ZMYM2: variants seen among roughly 807,000 people sequenced by gnomAD.
The protein encoded by ZMYM2 is zinc finger MYM-type containing 2.
Under a neutral mutation model 162.8 loss-of-function variants are expected in ZMYM2, and 56 were observed. That is an observed-to-expected ratio of 0.34 (90% confidence interval 0.28 to 0.43). ZMYM2 has a LOEUF of 0.43. ZMYM2 is among the 20% of genes least tolerant of loss of function. ZMYM2 has a pLI of 1.00. For synonymous variants in ZMYM2, 510 were observed against 541.6 expected (o/e 0.94, Z 0.81); for missense variants, 1,275 against 1,621.8 (o/e 0.79, Z 3.67).
chr13:20,077,279 C>T lies in ZMYM2; in HGVS notation c.3454-4737C>T, dbSNP rs373200140. On this transcript the variant is annotated intron_variant, in intron 21 of 24. Coordinates refer to ENST00000610343, the MANE Select transcript of ZMYM2 (RefSeq NM_197968.4). ...TTACTGCTTTCCACATACTATGCTA[C>T]GTGCTTGATGTGTCATTCAGTCCTC... 6.6e-5 allele frequency among the ~76,000 whole-genome samples: 10 copies of T among 150,430 alleles called. No individual in the cohort carries two copies. In the East Asian group the frequency reaches 1.3e-3, roughly 20 times the overall value.
intron 19 of ZMYM2, among the ~76,000 whole-genome samples, chr13:20,065,270 A>G (rs1956585846): frequency 6.6e-6 from 1 of 152,110 alleles, no homozygotes; most frequent in Admixed American, 6.6e-5. Flanking sequence ...ATGAAGGTGG[A>G]CTTCTGCTTG....
chr13:19,940,809 G>A, the ZMYM2 span, among the ~76,000 whole-genome samples: 9 of 152,052 alleles, frequency 5.9e-5, no homozygotes, highest in Non-Finnish European at 1.3e-4. Context: ...TAGGACAGGA[G>A]GTACATAAGA....
chr13:19,905,378 A>G, the ZMYM2 span, among the ~76,000 whole-genome samples: 2 of 152,150 alleles, frequency 1.3e-5, no homozygotes, highest in Non-Finnish European at 2.9e-5. Context: ...ACAACCATCC[A>G]GGCACAACCA....
the ZMYM2 span, among the ~76,000 whole-genome samples, chr13:19,934,979 C>T: frequency 6.6e-6 from 1 of 152,112 alleles, no homozygotes; most frequent in Non-Finnish European, 1.5e-5. Context: ...GTTGGCCAGG[C>T]TGGTCTCGAA....
chr13:19,875,629 A>C, the ZMYM2 span, among the ~76,000 whole-genome samples: 1 of 47,550 alleles, frequency 2.1e-5, no homozygotes, highest in African/African-American at 4.9e-5. Context: ...TCCATCGCAA[A>C]AAAAAAAAAA....
At chr13:19,892,404 C>G in the ZMYM2 span, among the ~76,000 whole-genome samples, 2 of 150,988 alleles carry the variant, frequency 1.3e-5, no homozygotes, top group Non-Finnish European at 2.9e-5. Flanking sequence ...CCCAAGTAGC[C>G]GGGACTACAG....
the ZMYM2 span, among the ~76,000 whole-genome samples, chr13:19,929,304 T>A: frequency 6.6e-6 from 1 of 152,082 alleles, no homozygotes; most frequent in Admixed American, 6.6e-5. Context: ...AGTGGTGCAA[T>A]CTCGGCTCAC....
At chr13:19,867,331 CAA>C in the ZMYM2 span, among the ~76,000 whole-genome samples, 1 of 136,712 alleles carries the variant, frequency 7.3e-6, no homozygotes, top group Non-Finnish European at 1.5e-5. Context: ...GCCTGGGCGA[CAA>C]GAGCGAAACT....
intron 2 of ZMYM2, among the ~76,000 whole-genome samples, chr13:19,965,771 C>CTTTTTTT (rs35914050): frequency 1.2e-4 from 13 of 104,886 alleles, no homozygotes; most frequent in East Asian, 2.5e-4. Context: ...TATCTGAATT[C>CTTTTTTT]TTTTTTTTTT....
the ZMYM2 span, among the ~76,000 whole-genome samples, chr13:19,910,541 T>C: frequency 6.6e-6 from 1 of 151,436 alleles, no homozygotes; most frequent in Non-Finnish European, 1.5e-5. Flanking sequence ...TCTCTTTTTT[T>C]TTTTTTTGAG....
At chr13:19,986,654 G>T (rs1949168897) in intron 2 of ZMYM2, among the ~76,000 whole-genome samples, 1 of 152,034 alleles carries the variant, frequency 6.6e-6, no homozygotes, top group African/African-American at 2.4e-5. Flanking sequence ...ATTCAAAATT[G>T]TCATAACTAA....
intron 2 of ZMYM2, among the ~76,000 whole-genome samples, chr13:19,963,538 G>T (rs1955469139): frequency 6.6e-6 from 1 of 151,822 alleles, no homozygotes; most frequent in African/African-American, 2.4e-5. Context: ...AGTTGGAGTT[G>T]CACATTTTTA....
intron 2 of ZMYM2, among the ~76,000 whole-genome samples, chr13:19,972,948 T>TG (rs1276491429): frequency 6.6e-6 from 1 of 150,926 alleles, no homozygotes; most frequent in Non-Finnish European, 1.5e-5. Context: ...TTTTTGTTTT[T>TG]TTTTTGAGAT....
chr13:20,070,896 G>A (rs934607887), intron 21 of ZMYM2: 2 of 152,574 alleles, frequency 1.3e-5, no homozygotes, highest in South Asian at 2.1e-4. Flanking sequence ...TACATTAAGA[G>A]TTCTTCAGTG....
chr13:20,054,173 G>C (rs1955601287), intron 14 of ZMYM2, among the ~76,000 whole-genome samples: 1 of 152,186 alleles, frequency 6.6e-6, no homozygotes, highest in African/African-American at 2.4e-5. Context: ...AACTTCAAAG[G>C]ATAGGAGCTT....
Position 20,026,848 on chromosome 13 carries a change from G to C in ZMYM2, c.1735+86G>C, listed in dbSNP as rs181789496. ...ATACTCATTTGATGTTTTTATGCTT[G>C]TTTTTAACAGCTTTTTATTTTATAT... On this transcript the variant is annotated intron_variant, in intron 8 of 24. Coordinates refer to ENST00000610343, the MANE Select transcript of ZMYM2 (RefSeq NM_197968.4). 1,653 of 1,339,384 alleles carry C rather than the reference G, an allele frequency of 1.2e-3. 2 individuals are homozygous for C. The highest frequency in any genetic ancestry group is 1.5e-3 in the Non-Finnish European group (1,530 of 1,001,390). 83.0% of individuals were successfully genotyped at this position (1,339,384 alleles called of 1,614,324 possible). A position where few individuals can be genotyped will look rare whatever the true frequency, so the allele number is the denominator to read the frequency against.
At chr13:19,950,750 G>A in the ZMYM2 span, among the ~76,000 whole-genome samples, 1 of 152,148 alleles carries the variant, frequency 6.6e-6, no homozygotes, top group Non-Finnish European at 1.5e-5. Flanking sequence ...ACACTACTCA[G>A]TACAGAAATT....
At chr13:19,894,889 T>G in the ZMYM2 span, among the ~76,000 whole-genome samples, 3 of 151,614 alleles carry the variant, frequency 2.0e-5, no homozygotes, top group Admixed American at 2.0e-4. Flanking sequence ...TTAGGAGTTT[T>G]AGATCAGCCT....
Position 20,062,926 on chromosome 13 carries a change from G to A in ZMYM2, c.2992G>A (p.Val998Ile), listed in dbSNP as rs769731717. The part of the protein sequence containing the change: ...DPETQSSMPD[V>I]PYEPDLDIEI... Reference sequence around the variant, plus strand: ...AGAGACACAGTCCAGCATGCCTGATGTACCATATGAACCAGATTTGGATAT... The same window carrying A: ...AGAGACACAGTCCAGCATGCCTGATATACCATATGAACCAGATTTGGATAT... The change falls in exon 18 of 25, where the codon GTA becomes ATA. Residue 998 changes from valine to isoleucine, a missense_variant. Physicochemically the swap from Val to Ile is conservative, Grantham distance 29. Transcript: ENST00000610343. 13 of 1,604,114 alleles carry A rather than the reference G, an allele frequency of 8.1e-6. No homozygotes were observed. The highest frequency in any genetic ancestry group is 1.6e-4 in the Middle Eastern group (1 of 6,070).
Sources: gnomAD v4.1 joint callset for allele counts (sites outside exome capture counted in the v4.1 genomes callset) on GRCh38, gnomAD v4.1.1 for gene constraint, MANE v1.5 for transcripts, NCBI Gene and HGNC (gene_info 2026-07-23, HGNC 2026-07-21) for gene names.